TTC39B: variants seen among roughly 807,000 people sequenced by gnomAD.
The protein encoded by TTC39B is tetratricopeptide repeat domain 39B, also known as tetratricopeptide repeat protein 39B.
Under a neutral mutation model 96.6 loss-of-function variants are expected in TTC39B, and 92 were observed. That is an observed-to-expected ratio of 0.95 (90% CI 0.80 to 1.13). TTC39B has a LOEUF of 1.13. TTC39B is among the 50% of genes most tolerant of loss of function. The pLI, the probability that TTC39B is intolerant of heterozygous loss-of-function variation, is 0.00. For missense variants in TTC39B, 955 were observed against 809.3 expected, an observed-to-expected ratio of 1.18 and a Z score of -2.18; for synonymous variants, 367 against 299.4, an observed-to-expected ratio of 1.23 and a Z score of -2.33.
At chr9:15,174,398 A>T (rs1817817585) in intron 19 of TTC39B, among the ~76,000 whole-genome samples, 1 of 152,220 alleles carries the variant, frequency 6.6e-6, no homozygotes. Flanking sequence ...AACAGGCCAC[A>T]GGGTTTTTGC....
At chr9:15,213,765 G>C (rs901399499) in intron 4 of TTC39B, among the ~76,000 whole-genome samples, 1 of 152,118 alleles carries the variant, frequency 6.6e-6, no homozygotes, top group African/African-American at 2.4e-5. Flanking sequence ...TAATAGCATT[G>C]AGATCAGCAT....
rs141893361 is a variant in TTC39B at position 15,166,940 on chromosome 9, A to G, written c.*5079T>C. ...AGGTATCATACACATTCAAAAATAA[A>G]TTATTCTCTAAATGGGTAACATGTG... On this transcript the variant is annotated 3_prime_UTR_variant, in exon 20 of 20. Transcript: ENST00000512701. The G allele has an allele frequency of 3.7e-3, 482 of 130,346 alleles. 8 individuals carry two copies. The highest frequency in any genetic ancestry group is 0.013 in the African/African-American group (459 of 35,394). 8.1% of individuals were successfully genotyped at this position (130,346 alleles called of 1,614,324 possible).
intron 19 of TTC39B, among the ~76,000 whole-genome samples, chr9:15,172,438 C>T (rs1817712126): frequency 6.6e-6 from 1 of 152,136 alleles, no homozygotes; most frequent in Non-Finnish European, 1.5e-5. Flanking sequence ...AATAATTAGA[C>T]TTCCTTTTTT....
chr9:15,260,899 CA>C (rs1822921194), intron 2 of TTC39B, among the ~76,000 whole-genome samples: 1 of 152,176 alleles, frequency 6.6e-6, no homozygotes, highest in African/African-American at 2.4e-5. Context: ...CATACATCCC[CA>C]CTGTATTCAC....
chr9:15,250,193 C>T, intron 2 of TTC39B: 5 of 1,181,634 alleles, frequency 4.2e-6, no homozygotes, highest in Non-Finnish European at 5.3e-6. Context: ...GTGGCAGCTA[C>T]ACTCACTGCT....
chr9:15,221,506 T>A (rs1196830740), intron 3 of TTC39B, among the ~76,000 whole-genome samples: 1 of 152,116 alleles, frequency 6.6e-6, no homozygotes, highest in East Asian at 1.9e-4. Flanking sequence ...GCACAAGATC[T>A]TCTAGGTTCA....
At chr9:15,206,543 C>T (rs1387892475) in intron 6 of TTC39B, among the ~76,000 whole-genome samples, 2 of 152,138 alleles carry the variant, frequency 1.3e-5, no homozygotes, top group African/African-American at 4.8e-5. Flanking sequence ...CAAAATTAGC[C>T]ATTAGGCACT....
intron 1 of TTC39B, among the ~76,000 whole-genome samples, chr9:15,292,511 C>T (rs1398098792): frequency 6.6e-6 from 1 of 152,042 alleles, no homozygotes; most frequent in African/African-American, 2.4e-5. Flanking sequence ...TTAGAGGGTA[C>T]CCTTCTCCTT....
chr9:15,201,677 A>G (rs1009306895), intron 7 of TTC39B, among the ~76,000 whole-genome samples: 1 of 152,224 alleles, frequency 6.6e-6, no homozygotes, highest in Non-Finnish European at 1.5e-5. Context: ...AGAATGACCA[A>G]GGAGTTAAGA....
intron 1 of TTC39B, among the ~76,000 whole-genome samples, chr9:15,287,656 T>G (rs991262110): frequency 1.3e-5 from 2 of 151,870 alleles, no homozygotes; most frequent in African/African-American, 4.8e-5. Context: ...CCATAAACTG[T>G]AAAGGGAGGT....
At chr9:15,166,999 TATATATA>T in exon 20 of TTC39B, 1 of 6,460 alleles carries the variant, frequency 1.5e-4, no homozygotes, top group South Asian at 5.7e-3. Context: ...TATATATATA[TATATATA>T]TATATATATA....
chr9:15,221,465 G>A (rs1196239868), intron 3 of TTC39B, among the ~76,000 whole-genome samples: 1 of 152,094 alleles, frequency 6.6e-6, no homozygotes, highest in Admixed American at 6.6e-5. Context: ...GACAAGCCCT[G>A]TCCTTTTTTT....
At chr9:15,210,367 T>C (rs1820125703) in intron 5 of TTC39B, among the ~76,000 whole-genome samples, 1 of 152,234 alleles carries the variant, frequency 6.6e-6, no homozygotes, top group Non-Finnish European at 1.5e-5. Flanking sequence ...GGGAACTCAG[T>C]CTGTGCTACT....
intron 2 of TTC39B, among the ~76,000 whole-genome samples, chr9:15,243,340 C>T (rs1364040563): frequency 3.3e-5 from 5 of 152,172 alleles, no homozygotes; most frequent in African/African-American, 9.7e-5. Context: ...ATGTGCTTTT[C>T]TGTCCTCAAT....
At chr9:15,179,871 C>T (rs116333764) in intron 17 of TTC39B, among the ~76,000 whole-genome samples, 1 of 152,184 alleles carries the variant, frequency 6.6e-6, no homozygotes. Flanking sequence ...CATACGGCGA[C>T]TGGGTTCAAA....
chr9:15,182,702 A>G lies in TTC39B; in HGVS notation c.1615-287T>C, dbSNP rs532403741. ...ACAGATACAGAAATAAATATTTTAA[A>G]CCGATACTATGAATAATAATTCTGT... On this transcript the variant is annotated intron_variant, in intron 16 of 19. Transcript: ENST00000512701. Among the ~76,000 whole-genome samples the G allele has an allele frequency of 3.2e-4, 49 of 152,346 alleles. 3 individuals carry two copies. In the South Asian group the frequency reaches 0.01, roughly 32 times the overall value.
chr9:15,304,914 G>C (rs1051794180), intron 1 of TTC39B, among the ~76,000 whole-genome samples: 1 of 151,942 alleles, frequency 6.6e-6, no homozygotes, highest in Non-Finnish European at 1.5e-5. Flanking sequence ...AGAAGAACCA[G>C]GTTACCTAAA....
At chr9:15,291,194 C>A (rs1319021592) in intron 1 of TTC39B, among the ~76,000 whole-genome samples, 2 of 152,136 alleles carry the variant, frequency 1.3e-5, no homozygotes, top group Non-Finnish European at 2.9e-5. Flanking sequence ...TGGCTGTGTC[C>A]CCACCCAAAT....
intron 2 of TTC39B, among the ~76,000 whole-genome samples, chr9:15,261,547 C>T (rs370948798): frequency 9.2e-5 from 14 of 152,172 alleles, no homozygotes; most frequent in African/African-American, 3.4e-4. Flanking sequence ...TAGACAAGAC[C>T]AGGAATCCTC....
Sources: allele counts gnomAD v4.1 joint callset (sites outside exome capture counted in the v4.1 genomes callset), GRCh38; gene constraint gnomAD v4.1.1; transcripts MANE v1.5; gene names NCBI Gene and HGNC (gene_info 2026-07-23, HGNC 2026-07-21).